The following THADA variants were observed in gnomAD, a reference collection of about 807,000 sequenced individuals.
THADA encodes the protein tRNA (32-2'-O)-methyltransferase regulator THADA.
In THADA, 213 loss-of-function variants were observed where a neutral mutation model predicts 219.8. That is an observed-to-expected ratio of 0.97 (90% CI 0.87 to 1.09). The LOEUF (loss-of-function observed/expected upper bound fraction) is 1.09, where lower values mean the gene tolerates loss of function less well. Among genes scored for constraint, THADA ranks in the 50% least tolerant of loss-of-function variants. The pLI, the probability that THADA is intolerant of heterozygous loss-of-function variation, is 0.00. For synonymous variants in THADA, 1,018 were observed against 828.9 expected (o/e 1.23, Z -3.92); for missense variants, 2,956 against 2,311.3 (o/e 1.28, Z -5.72).
intron 17 of THADA, among the ~76,000 whole-genome samples, chr2:43,553,681 G>A (rs1697012814): frequency 6.6e-6 from 1 of 152,198 alleles, no homozygotes; most frequent in African/African-American, 2.4e-5. Context: ...TTAGCCTTTT[G>A]AGGAACTGCC....
At chr2:43,459,880 C>A (rs899739694) in intron 26 of THADA, among the ~76,000 whole-genome samples, 9 of 152,046 alleles carry the variant, frequency 5.9e-5, no homozygotes, top group African/African-American at 2.2e-4. Context: ...AACAAGTTTG[C>A]AAAAGTAGAA....
chr2:43,541,589 G>C (rs1320192794), intron 20 of THADA, among the ~76,000 whole-genome samples: 1 of 151,770 alleles, frequency 6.6e-6, no homozygotes, highest in Non-Finnish European at 1.5e-5. Flanking sequence ...GCTCACTGCA[G>C]CCTTGACCTC....
At chr2:43,420,017 A>C (rs528541831) in intron 28 of THADA, among the ~76,000 whole-genome samples, 1 of 152,302 alleles carries the variant, frequency 6.6e-6, no homozygotes, top group South Asian at 2.1e-4. Context: ...ATGCCTTCCA[A>C]GTTATGAATC....
intron 10 of THADA, 35 bp downstream of exon 10, chr2:43,576,987 G>A (rs984508575): frequency 1.3e-6 from 2 of 1,571,642 alleles, no homozygotes; most frequent in Admixed American, 1.8e-5. Flanking sequence ...TCTTACAAGT[G>A]AAACAAAATA....
intron 22 of THADA, among the ~76,000 whole-genome samples, chr2:43,518,127 C>T (rs1009351762): frequency 6.6e-6 from 1 of 152,146 alleles, no homozygotes; most frequent in Non-Finnish European, 1.5e-5. Flanking sequence ...GGACACATTC[C>T]TTCCTGTTAT....
chr2:43,532,213 T>C (rs1170085244), intron 21 of THADA, among the ~76,000 whole-genome samples: 1 of 150,870 alleles, frequency 6.6e-6, no homozygotes, highest in African/African-American at 2.4e-5. Context: ...GGAGTTCGAG[T>C]CCAGCCTGGA....
intron 32 of THADA, 46 bp from the exon 33 acceptor site, chr2:43,292,268 G>T (rs1156494294): frequency 1.6e-6 from 2 of 1,237,012 alleles, no homozygotes; most frequent in Non-Finnish European, 1.1e-6. Context: ...TAAATACTCA[G>T]GGAGATGTCT....
chr2:43,291,260 G>T (rs1173963968), intron 34 of THADA, among the ~76,000 whole-genome samples: 2 of 151,178 alleles, frequency 1.3e-5, no homozygotes, highest in Non-Finnish European at 3.0e-5. Flanking sequence ...GACCAGCCTG[G>T]ACAACATGGT....
intron 25 of THADA, among the ~76,000 whole-genome samples, chr2:43,495,747 T>C (rs1046912993): frequency 2.0e-5 from 3 of 152,232 alleles, no homozygotes; most frequent in Non-Finnish European, 4.4e-5. Context: ...CTGGAACTAA[T>C]GGCTTCAAGA....
chr2:43,552,973 A>G (rs1696927012), intron 17 of THADA, among the ~76,000 whole-genome samples: 2 of 152,228 alleles, frequency 1.3e-5, no homozygotes, highest in Admixed American at 1.3e-4. Flanking sequence ...GACGTCTCAT[A>G]TAAATAGAAT....
intron 31 of THADA, among the ~76,000 whole-genome samples, chr2:43,320,039 C>T (rs933923359): frequency 1.3e-5 from 2 of 152,006 alleles, no homozygotes; most frequent in African/African-American, 2.4e-5. Context: ...GTGTAGGGGT[C>T]GATTTGAGAA....
In THADA at chr2:43,274,946, T is replaced by C. The variant is rs561110611; in HGVS notation, c.5296+4819A>G. Reference sequence around the variant, plus strand: ...AAATTCCTTGCTCAGTGCCTTCTCTTATCCTGTATCAACTCAAGCAGAAAC... The same window carrying C: ...AAATTCCTTGCTCAGTGCCTTCTCTCATCCTGTATCAACTCAAGCAGAAAC... On this transcript the variant is annotated intron_variant, in intron 36 of 37. Coordinates refer to ENST00000405975, the MANE Select transcript of THADA (RefSeq NM_022065.5). Among the ~76,000 whole-genome samples, 8 of 152,042 alleles carry C rather than the reference T, an allele frequency of 5.3e-5. No homozygotes were observed. The South Asian group carries it at 1.2e-3, about 24-fold the overall frequency.
intron 28 of THADA, among the ~76,000 whole-genome samples, chr2:43,404,393 T>A (rs1420837712): frequency 2.7e-5 from 4 of 149,496 alleles, no homozygotes; most frequent in South Asian, 4.2e-4. Context: ...TTTTTTTTTT[T>A]AAAGTAGAGA....
chr2:43,287,931 T>A (rs1400722649), intron 34 of THADA, among the ~76,000 whole-genome samples: 2 of 152,234 alleles, frequency 1.3e-5, no homozygotes, highest in African/African-American at 2.4e-5. Flanking sequence ...TTCCCCTTCC[T>A]GCTGGCTAAA....
chr2:43,258,890 A>G (rs968220409), intron 36 of THADA, among the ~76,000 whole-genome samples: 4 of 152,180 alleles, frequency 2.6e-5, no homozygotes, highest in Non-Finnish European at 4.4e-5. Context: ...CAAAAAGGTT[A>G]GAAGGACTAA....
intron 26 of THADA, among the ~76,000 whole-genome samples, chr2:43,480,520 G>T (rs1317567767): frequency 6.6e-6 from 1 of 152,094 alleles, no homozygotes; most frequent in Non-Finnish European, 1.5e-5. Flanking sequence ...GTTTGGGTTT[G>T]AGGATGTTAA....
At chr2:43,506,829 G>C (rs953496176) in intron 23 of THADA, among the ~76,000 whole-genome samples, 1 of 152,136 alleles carries the variant, frequency 6.6e-6, no homozygotes, top group Non-Finnish European at 1.5e-5. Flanking sequence ...GCTCTCAAGA[G>C]TGAAAGTTAC....
At chr2:43,594,295 T>G (rs1404799482) in intron 1 of THADA, among the ~76,000 whole-genome samples, 5 of 152,148 alleles carry the variant, frequency 3.3e-5, no homozygotes, top group Non-Finnish European at 5.9e-5. Flanking sequence ...AATTCAAACT[T>G]GAGGCCAGGA....
intron 29 of THADA, among the ~76,000 whole-genome samples, chr2:43,364,577 C>G (rs1211884458): frequency 6.6e-6 from 1 of 152,210 alleles, no homozygotes; most frequent in Non-Finnish European, 1.5e-5. Context: ...AATCACTGCA[C>G]TAGGCATTCT....
Sources: allele counts gnomAD v4.1 joint callset (sites outside exome capture counted in the v4.1 genomes callset), GRCh38; gene constraint gnomAD v4.1.1; transcripts MANE v1.5; gene names NCBI Gene and HGNC (gene_info 2026-07-23, HGNC 2026-07-21).